Variants in PRR12 observed in about 807,000 individuals in gnomAD.
PRR12 encodes proline rich 12.
In PRR12, 12 loss-of-function variants were observed where a neutral mutation model predicts 138.0. The ratio of observed to expected loss-of-function variants is 0.09; its 90% CI spans 0.06 to 0.14. The LOEUF is 0.14. PRR12 is among the 10% of genes least tolerant of loss of function. PRR12 has a pLI of 1.00. For synonymous variants in PRR12, 1,567 were observed against 1,291.7 expected (o/e 1.21, Z -4.57); for missense variants, 2,692 against 2,861.3 (o/e 0.94, Z 1.35).
chr19:49,598,879 G>A (rs1214409561), intron 4 of PRR12, among the ~76,000 whole-genome samples: 2 of 152,088 alleles, frequency 1.3e-5, no homozygotes. Flanking sequence ...ACGCTGGTTT[G>A]AAACTCCTGA....
In PRR12 at chr19:49,595,655, C is replaced by T. The variant is rs766720584; in HGVS notation, c.1320C>T (p.Gly440=). 3.1e-6 allele frequency: 5 copies of T among 1,602,140 alleles called. No individual in the cohort carries two copies. The highest frequency in any genetic ancestry group is 1.7e-5 in the Admixed American group (1 of 58,504). Residue 440 remains glycine (G), a synonymous_variant, in exon 4 of 14, where the codon GGC becomes GGT. Transcript: ENST00000418929. ...GKASGAGGAG[G]QAYSPGQPQG... is the part of the protein sequence containing the mutation. ...CCTCTGGGGCTGGAGGGGCAGGGGG[C>T]CAGGCTTATTCCCCCGGTCAGCCTC... is the stretch of plus-strand genomic sequence containing the variant.
chr19:49,606,140 A>G (rs570761473), intron 6 of PRR12, among the ~76,000 whole-genome samples: 2 of 152,116 alleles, frequency 1.3e-5, no homozygotes, highest in Admixed American at 6.6e-5. Context: ...AACTAGGACT[A>G]CAAGCATACA....
intron 1 of PRR12, among the ~76,000 whole-genome samples, chr19:49,593,111 T>C (rs2080740322): frequency 6.6e-6 from 1 of 152,124 alleles, no homozygotes; most frequent in Non-Finnish European, 1.5e-5. Context: ...CGGGCTCTCT[T>C]TATTCGGGCT....
chr19:49,597,103 C>T lies in PRR12; in HGVS notation c.2768C>T (p.Ala923Val). 3.9e-6 allele frequency: 6 copies of T among 1,551,074 alleles called. No individual in the cohort carries two copies. Among genetic ancestry groups the T allele is most frequent in the East Asian group, 2.4e-5 (1 of 41,062 alleles). The change falls in exon 4 of 14, where the codon GCG becomes GTG. Residue 923 changes from alanine to valine, a missense_variant. This residue lies in a region of PRR12 where 840 missense variants were observed against 689.8 expected (regional missense o/e 1.22). Transcript: ENST00000418929. The surrounding 1 kb of genome is among the most constrained non-coding windows in gnomAD (Gnocchi z 6.3). ...AGCCCCAGCCCGCAAGGCACCAAGG[C>T]GCCGCGTTTCGTGCCGCTCACCTCC... is the stretch of plus-strand genomic sequence containing the variant. ...YRSPSPQGTK[A>V]PRFVPLTSIC...
At position 49,625,366 on chromosome 19, in the gene PRR12, ACTGACAT is replaced by A; in HGVS notation, c.5965-88_5965-82del. ...CCCCCAGCCCTGGTCTCCCTGGGAC[ACTGACAT>A]CTGACACCCCAGGCCCCATGCCCCA... On this transcript the variant is annotated intron_variant, in intron 13 of 13. Transcript: ENST00000418929. The surrounding 1 kb of genome is among the most constrained non-coding windows in gnomAD (Gnocchi z 5.5). 1 of 1,448,714 alleles carries A rather than the reference ACTGACAT, an allele frequency of 6.9e-7. No individual in the cohort carries two copies. 89.7% of individuals were successfully genotyped at this position (1,448,714 alleles called of 1,614,324 possible).
Position 49,616,128 on chromosome 19 carries a change from G to A in PRR12, c.5406G>A (p.Leu1802=). The change falls in exon 9 of 14, where the codon CTG becomes CTA. Residue 1802 remains leucine (L), a synonymous_variant. Coordinates refer to ENST00000418929, the MANE Select transcript of PRR12 (RefSeq NM_020719.3). This position sits in a 1 kb window ranked among gnomAD's most constrained non-coding sequence, Gnocchi z 4.2. ...CCCCTAAGAAGAGGAAGAAATGGCT[G>A]AAGGAGGCAGGCGGCAACGCTACAG... The part of the protein sequence containing the change: ...EPPPKKRKKW[L]KEAGGNATAG... 6.4e-7 allele frequency: 1 copy of A among 1,567,236 alleles called. No individual in the cohort carries two copies. The highest frequency in any genetic ancestry group is 1.9e-5 in the Admixed American group (1 of 52,758).
At position 49,601,559 on chromosome 19, in the gene PRR12, C is replaced by T. The variant is rs1320054808; in HGVS notation, c.4414C>T (p.Pro1472Ser). 4.5e-6 allele frequency: 7 copies of T among 1,539,788 alleles called. No individual in the cohort carries two copies. In the East Asian group the frequency reaches 1.2e-4, roughly 27 times the overall value. Residue 1472 changes from proline to serine, a missense_variant, in exon 6 of 14, where the codon CCG becomes TCG. Pro to Ser is a moderately conservative substitution (Grantham distance 74, BLOSUM62 -1). Transcript: ENST00000418929. ...PPAPTPQPQP[P>S]PPPPPPQPAL... is the part of the protein sequence containing the mutation. ...TGCCCCGACTCCTCAGCCTCAGCCT[C>T]CGCCACCCCCTCCGCCGCCACAGCC...
At chr19:49,623,314 T>C (rs56146695) in intron 11 of PRR12, among the ~76,000 whole-genome samples, 9,993 of 152,128 alleles carry the variant, frequency 0.066, 468 homozygotes, top group South Asian at 0.19. Flanking sequence ...GTATGTGTTA[T>C]TAGTCGGGAG....
Position 49,596,366 on chromosome 19 carries a change from T to G in PRR12, c.2031T>G (p.Ser677Arg). The G allele has an allele frequency of 6.3e-7, 1 of 1,596,308 alleles. No homozygotes were observed. Among genetic ancestry groups the G allele is most frequent in the South Asian group, 1.1e-5 (1 of 89,938 alleles). Residue 677 changes from serine to arginine, a missense_variant, in exon 4 of 14, where the codon AGT becomes AGG. Ser to Arg is a moderately radical substitution (Grantham distance 110). Coordinates refer to ENST00000418929, the MANE Select transcript of PRR12 (RefSeq NM_020719.3). This position sits in a 1 kb window ranked among gnomAD's most constrained non-coding sequence, Gnocchi z 5.6. The part of the protein sequence containing the change: ...AADASKGLGG[S>R]GGAGGPPGTP... ...ATGCCTCTAAGGGACTTGGGGGGAGTGGCGGGGCCGGGGGACCACCGGGTA... is the reference window on the plus strand; with the variant it reads ...ATGCCTCTAAGGGACTTGGGGGGAGGGGCGGGGCCGGGGGACCACCGGGTA...
chr19:49,612,758 G>A (rs535242661), intron 6 of PRR12, among the ~76,000 whole-genome samples: 11 of 152,074 alleles, frequency 7.2e-5, no homozygotes, highest in South Asian at 4.2e-4. Context: ...TCCACCTCCC[G>A]GGTTCAAGTG....
In PRR12 at chr19:49,624,873, A is replaced by C; in HGVS notation, c.5751A>C (p.Gln1917His). The C allele has an allele frequency of 6.2e-7, 1 of 1,611,562 alleles. No individual in the cohort carries two copies. The highest frequency in any genetic ancestry group is 1.1e-5 in the South Asian group (1 of 90,890). The stretch of plus-strand genomic sequence containing the variant: ...CTCTGCACACGTTCCCACAGCTGCA[A>C]GTGGAGCAGAGTGGGGAGGGCTCTC... The part of the protein sequence containing the change: ...QDALHTFPQL[Q>H]VEQSGEGSPE... The change falls in exon 12 of 14, where the codon CAA (glutamine) becomes CAC (histidine). Residue 1917 changes from glutamine (Q) to histidine (H), a missense_variant. By Grantham distance (24) the Gln-to-His change is conservative (BLOSUM62 0). This residue lies in a region of PRR12 where 116 missense variants were observed against 243.4 expected (regional missense o/e 0.48). Coordinates refer to ENST00000418929, the MANE Select transcript of PRR12 (RefSeq NM_020719.3).
rs2080799750 is a variant in PRR12 at position 49,599,848 on chromosome 19, C to G, written c.4255C>G (p.Pro1419Ala). The change falls in exon 5 of 14, where the codon CCA becomes GCA. Residue 1419 changes from proline to alanine, a missense_variant. This residue lies in a region of PRR12 where 231 missense variants were observed against 200.8 expected (regional missense o/e 1.15). Transcript: ENST00000418929. This position sits in a 1 kb window ranked among gnomAD's most constrained non-coding sequence, Gnocchi z 5.0. ...TGCTGGGCCAAAAGACACTTCCACC[C>G]CAGATGGGCCGCCCTTGGCCCCCGC... ...PLAGPKDTST[P>A]DGPPLAPAAA... 5 of 1,613,294 alleles carry G rather than the reference C, an allele frequency of 3.1e-6. No individual in the cohort carries two copies. The highest frequency in any genetic ancestry group is 3.3e-4 in the Middle Eastern group (2 of 6,062).
chr19:49,618,779 C>T (rs1229778364), intron 9 of PRR12, among the ~76,000 whole-genome samples: 2 of 151,960 alleles, frequency 1.3e-5, no homozygotes, highest in Non-Finnish European at 1.5e-5. Context: ...CCCAGGCCTG[C>T]CCAGCTCAGC....
intron 6 of PRR12, among the ~76,000 whole-genome samples, chr19:49,604,585 G>A (rs145487209): frequency 0.04 from 6,055 of 152,042 alleles, 143 homozygotes; most frequent in South Asian, 0.12. Flanking sequence ...GGTTGAGGCA[G>A]GAGAATTGCT....
In PRR12 at chr19:49,626,075, G is replaced by T. The variant is rs939065072; in HGVS notation, c.*468G>T. 1 of 152,648 alleles carries T rather than the reference G, an allele frequency of 6.6e-6. No individual in the cohort carries two copies. The highest frequency in any genetic ancestry group is 6.5e-5 in the Admixed American group (1 of 15,292). 9.5% of individuals were successfully genotyped at this position (152,648 alleles called of 1,614,324 possible). A position where few individuals can be genotyped will look rare whatever the true frequency, so the allele number is the denominator to read the frequency against. On this transcript the variant is annotated 3_prime_UTR_variant, in exon 14 of 14. Coordinates refer to ENST00000418929, the MANE Select transcript of PRR12 (RefSeq NM_020719.3). ...CCATTCCCTCCGCAGGGCATTTGGC[G>T]TCGGGTGGGAGGGGAAAACGCATCT...
At chr19:49,607,699 C>A (rs545613785) in intron 6 of PRR12, among the ~76,000 whole-genome samples, 307 of 145,690 alleles carry the variant, frequency 2.1e-3, no homozygotes, top group African/African-American at 7.4e-3. Context: ...CAGAGCGAGA[C>A]CCTGTCTCAA....
chr19:49,625,725 G>T lies in PRR12; in HGVS notation c.*118G>T. On this transcript the variant is annotated 3_prime_UTR_variant, in exon 14 of 14. Transcript: ENST00000418929. This position sits in a 1 kb window ranked among gnomAD's most constrained non-coding sequence, Gnocchi z 5.5. ...CCGGGGAAAGGGGGTCATGGGTCAG[G>T]GTGTGTCTGTGCTGCCCCCTCCAGG... 1 of 1,368,204 alleles carries T rather than the reference G, an allele frequency of 7.3e-7. No homozygotes were observed. The highest frequency in any genetic ancestry group is 1.6e-5 in the South Asian group (1 of 63,550). 84.8% of individuals were successfully genotyped at this position (1,368,204 alleles called of 1,614,324 possible).
At position 49,612,056 on chromosome 19, in the gene PRR12, C is replaced by A. The variant is rs189338431; in HGVS notation, c.4774-2477C>A. On this transcript the variant is annotated intron_variant, in intron 6 of 13. Coordinates refer to ENST00000418929, the MANE Select transcript of PRR12 (RefSeq NM_020719.3). ...GACCATCCTGGCCAACATGGTGAAA[C>A]CCCGTCTCCACTAAAAATACAAAAA... 4.3e-3 allele frequency among the ~76,000 whole-genome samples: 655 copies of A among 151,804 alleles called. 4 individuals carry two copies. Among genetic ancestry groups the A allele is most frequent in the African/African-American group, 0.015 (638 of 41,378 alleles).
intron 8 of PRR12, 40 bp downstream of exon 8, chr19:49,615,049 C>T (rs765402350): frequency 1.1e-5 from 17 of 1,610,970 alleles, no homozygotes; most frequent in Middle Eastern, 1.8e-4. Flanking sequence ...TAGTATGTAG[C>T]GCCGACAGGC....
Sources: gnomAD v4.1 joint callset for allele counts (sites outside exome capture counted in the v4.1 genomes callset) on GRCh38, gnomAD v4.1.1 for gene constraint, gnomAD v4.1.1 regional missense constraint, Gnocchi (gnomAD v3.1) non-coding constraint, MANE v1.5 for transcripts, NCBI Gene and HGNC (gene_info 2026-07-23, HGNC 2026-07-21) for gene names.